S100Z: variants seen among roughly 807,000 people sequenced by gnomAD.
S100Z encodes S100 calcium binding protein Z, also known as protein S100-Z.
In S100Z, 11 loss-of-function variants were observed where a neutral mutation model predicts 8.5. The ratio of observed to expected loss-of-function variants is 1.30; its 90% CI spans 0.82 to 2.15. S100Z has a LOEUF of 2.15. Ranked by LOEUF, S100Z falls within the 30% of genes most tolerant of loss-of-function variation. The probability of loss-of-function intolerance (pLI) is 0.00; values close to 1 mark genes in which losing one functional copy is unlikely to be tolerated. For synonymous variants in S100Z, 34 were observed against 43.8 expected, an observed-to-expected ratio of 0.78 and a Z score of 0.89; for missense variants, 126 against 117.9, an observed-to-expected ratio of 1.07 and a Z score of -0.32.
chr5:76,935,591 T>A, the S100Z span, among the ~76,000 whole-genome samples: 1 of 152,066 alleles, frequency 6.6e-6, no homozygotes, highest in South Asian at 2.1e-4. Context: ...CATATCTGAT[T>A]CACAGTGTTC....
intron 1 of S100Z, among the ~76,000 whole-genome samples, chr5:76,850,877 G>A (rs997563486): frequency 6.6e-6 from 1 of 152,082 alleles, no homozygotes; most frequent in African/African-American, 2.4e-5. Context: ...GGAGTGCAGT[G>A]GTGTGATCTC....
chr5:76,875,766 C>T (rs1025214878), intron 3 of S100Z, among the ~76,000 whole-genome samples: 5 of 152,060 alleles, frequency 3.3e-5, no homozygotes, highest in African/African-American at 4.8e-5. Flanking sequence ...CATTCTGGTG[C>T]GGCAAAGATG....
At chr5:76,888,092 C>A (rs1274529909) in intron 4 of S100Z, among the ~76,000 whole-genome samples, 1 of 151,538 alleles carries the variant, frequency 6.6e-6, no homozygotes, top group African/African-American at 2.4e-5. Flanking sequence ...CCCATCTCTA[C>A]TAAAAAATAC....
intron 4 of S100Z, among the ~76,000 whole-genome samples, chr5:76,903,973 G>A (rs1373673874): frequency 6.6e-6 from 1 of 151,922 alleles, no homozygotes; most frequent in Non-Finnish European, 1.5e-5. Flanking sequence ...CTGACCTCAT[G>A]ATCCACACAC....
At chr5:76,906,301 T>A (rs1393428439) in intron 4 of S100Z, among the ~76,000 whole-genome samples, 3 of 152,202 alleles carry the variant, frequency 2.0e-5, no homozygotes, top group African/African-American at 7.2e-5. Context: ...TAAAATCTAA[T>A]CTCTTGGCAA....
At chr5:76,886,723 A>T (rs1000899264) in intron 4 of S100Z, among the ~76,000 whole-genome samples, 1 of 152,156 alleles carries the variant, frequency 6.6e-6, no homozygotes, top group Non-Finnish European at 1.5e-5. Context: ...ATTAGTTCTT[A>T]TAGGTTTTGG....
chr5:76,867,763 G>C (rs569462127), intron 1 of S100Z, among the ~76,000 whole-genome samples: 1 of 151,924 alleles, frequency 6.6e-6, no homozygotes, highest in Non-Finnish European at 1.5e-5. Context: ...TGTATTTTTA[G>C]TAGAGATGGG....
chr5:76,898,467 G>A (rs367908961), intron 4 of S100Z, among the ~76,000 whole-genome samples: 4 of 151,964 alleles, frequency 2.6e-5, no homozygotes, highest in African/African-American at 9.7e-5. Context: ...GCCAAGCCAA[G>A]GTATGTTCCC....
chr5:76,878,436 G>T (rs1561232339), intron 4 of S100Z, among the ~76,000 whole-genome samples: 1 of 152,164 alleles, frequency 6.6e-6, no homozygotes. Flanking sequence ...TAATTCTGAG[G>T]CAAGTGTTTG....
At chr5:76,881,671 A>G (rs1743406182) in intron 4 of S100Z, among the ~76,000 whole-genome samples, 1 of 152,164 alleles carries the variant, frequency 6.6e-6, no homozygotes, top group Non-Finnish European at 1.5e-5. Flanking sequence ...GGAAGGAGAT[A>G]TTTTCCTTGG....
the S100Z span, chr5:76,952,832 T>C: frequency 2.3e-4 from 87 of 376,992 alleles, 1 homozygote; most frequent in African/African-American, 1.4e-3. Context: ...TCCAACACTT[T>C]AGTGCACTAA....
At chr5:76,854,639 A>G (rs113972736) in intron 1 of S100Z, among the ~76,000 whole-genome samples, 4,941 of 152,300 alleles carry the variant, frequency 0.032, 125 homozygotes, top group African/African-American at 0.069. Context: ...ACTTATATTT[A>G]AAAGGGACAC....
intron 3 of S100Z, among the ~76,000 whole-genome samples, chr5:76,876,468 G>A (rs1333189003): frequency 4.0e-5 from 6 of 151,356 alleles, no homozygotes; most frequent in African/African-American, 7.3e-5. Flanking sequence ...TCCCAGGTTC[G>A]AGTGATTCTT....
At chr5:76,922,655 C>T (rs1178575214), downstream of S100Z, among the ~76,000 whole-genome samples, 1 of 152,186 alleles carries the variant, frequency 6.6e-6, no homozygotes, top group Non-Finnish European at 1.5e-5. Flanking sequence ...TCCCGAGTAG[C>T]TGGGACTACA....
downstream of S100Z, among the ~76,000 whole-genome samples, chr5:76,921,975 TGA>T (rs930381798): frequency 7.7e-5 from 11 of 143,372 alleles, no homozygotes; most frequent in African/African-American, 2.3e-4. Flanking sequence ...GGCAACAGAG[TGA>T]GAGACTGTCT....
At chr5:76,863,035 A>G (rs1246655145) in intron 1 of S100Z, among the ~76,000 whole-genome samples, 1 of 152,228 alleles carries the variant, frequency 6.6e-6, no homozygotes, top group African/African-American at 2.4e-5. Flanking sequence ...ACTCACAGTC[A>G]AGACCTTCTA....
chr5:76,860,917 G>A (rs577594012), intron 1 of S100Z, among the ~76,000 whole-genome samples: 11 of 152,102 alleles, frequency 7.2e-5, no homozygotes, highest in South Asian at 4.1e-4. Context: ...TAGAAGAAAC[G>A]TATCTATTTA....
intron 4 of S100Z, among the ~76,000 whole-genome samples, chr5:76,905,501 C>T (rs1744393977): frequency 6.6e-6 from 1 of 152,108 alleles, no homozygotes; most frequent in African/African-American, 2.4e-5. Flanking sequence ...CAAGCTCCAC[C>T]TCCTGGGTTT....
At chr5:76,887,745 T>A (rs948159617) in intron 4 of S100Z, among the ~76,000 whole-genome samples, 1 of 152,236 alleles carries the variant, frequency 6.6e-6, no homozygotes, top group South Asian at 2.1e-4. Flanking sequence ...AATAAATCTA[T>A]GCTTAGGGAA....
Sources: allele counts gnomAD v4.1 joint callset (sites outside exome capture counted in the v4.1 genomes callset), GRCh38; gene constraint gnomAD v4.1.1; transcripts MANE v1.5; gene names NCBI Gene and HGNC (gene_info 2026-07-23, HGNC 2026-07-21).